SAMD11: variants seen among roughly 807,000 people sequenced by gnomAD.
The protein encoded by SAMD11 is sterile alpha motif domain containing 11, also known as sterile alpha motif domain-containing protein 11.
SAMD11 carries 77 observed loss-of-function variants against 64.4 expected under a neutral mutation model. The observed-to-expected ratio is 1.20, with a 90% CI of 0.99 to 1.44. The LOEUF is 1.44. Ranked by LOEUF, SAMD11 falls within the 40% of genes most tolerant of loss-of-function variation. SAMD11 has a pLI of 0.00. For synonymous variants in SAMD11, 658 were observed against 421.9 expected (o/e 1.56, Z -6.86); for missense variants, 1,402 against 943.3 (o/e 1.49, Z -6.37).
In SAMD11 at chr1:942,729, C is replaced by G. The variant is rs901420898; in HGVS notation, c.1724C>G (p.Pro575Arg). ...GCGGCGCCACTGCTGGCCCTGCCCC[C>G]CCAGGGGCCCCCGGGCTCCGGACCC... Reference protein sequence around the residue: ...HGAAPLLALPPQGPPGSGPPT... With the variant: ...HGAAPLLALPRQGPPGSGPPT... Residue 575 changes from proline to arginine, a missense_variant, in exon 11 of 14, where the codon CCC becomes CGC. By Grantham distance (103) the Pro-to-Arg change is moderately radical. Coordinates refer to ENST00000616016, the MANE Select transcript of SAMD11 (RefSeq NM_001385641.1). 8.8e-6 allele frequency: 13 copies of G among 1,471,104 alleles called. No homozygotes were observed. Among genetic ancestry groups the G allele is most frequent in the South Asian group, 5.4e-5 (4 of 74,246 alleles). The allele number at this position is 1,471,104 out of a possible 1,614,324, so 91.1% of individuals were successfully genotyped here.
rs1428388732 is a variant in SAMD11, at chr1:943,356, T to C, written c.2157T>C (p.Ser719=). Residue 719 remains serine (S), a synonymous_variant, in exon 12 of 14, where the codon TCT becomes TCC. Transcript: ENST00000616016. The stretch of plus-strand genomic sequence containing the variant: ...TCTGCAGCTTCGTGGGGGGCCTGTC[T>C]GGCTGTGGAGAGTACACTCGGGTAA... ...DDVCSFVGGL[S]GCGEYTRVFR... The C allele has an allele frequency of 2.5e-6, 4 of 1,586,816 alleles. No individual in the cohort carries two copies. Among genetic ancestry groups the C allele is most frequent in the Non-Finnish European group, 3.4e-6 (4 of 1,165,282 alleles).
intron 5 of SAMD11, among the ~76,000 whole-genome samples, chr1:938,185 C>T (rs1261919182): frequency 6.6e-6 from 1 of 152,158 alleles, no homozygotes; most frequent in Non-Finnish European, 1.5e-5. Flanking sequence ...TGGGTGCGGT[C>T]GGCAGGACCC....
At chr1:929,159 G>A (rs1177785036) in intron 2 of SAMD11, among the ~76,000 whole-genome samples, 2 of 152,256 alleles carry the variant, frequency 1.3e-5, no homozygotes, top group Admixed American at 6.5e-5. Flanking sequence ...GAAGTGCCTG[G>A]GGCTGGGCCG....
intron 2 of SAMD11, among the ~76,000 whole-genome samples, chr1:929,830 C>T (rs1298030762): frequency 6.6e-6 from 1 of 152,130 alleles, no homozygotes; most frequent in Non-Finnish European, 1.5e-5. Flanking sequence ...CTGGGCCAAC[C>T]AGGCTGGCGT....
In SAMD11 at chr1:939,117, G is replaced by C. The variant is rs200099017; in HGVS notation, c.1045G>C (p.Glu349Gln). ...DCFSEKRARS[E>Q]SPQEALLLPR... The stretch of plus-strand genomic sequence containing the variant: ...CTTTTCAGAGAAGAGGGCACGAAGC[G>C]AATCGCCTCAAGGTAAGAGCGTGGC... Residue 349 changes from glutamate to glutamine, a missense_variant, in exon 6 of 14, where the codon GAA becomes CAA. Coordinates refer to ENST00000616016, the MANE Select transcript of SAMD11 (RefSeq NM_001385641.1). 44 of 1,595,366 alleles carry C rather than the reference G, an allele frequency of 2.8e-5. No individual in the cohort carries two copies. In the Middle Eastern group the frequency reaches 9.9e-4, roughly 36 times the overall value.
At position 930,365 on chromosome 1, in the gene SAMD11, C is replaced by T. The variant is rs1047019134; in HGVS notation, c.791+29C>T. On this transcript the variant is annotated intron_variant, in intron 3 of 13. Transcript: ENST00000616016. The stretch of plus-strand genomic sequence containing the variant: ...CTTGGACCAGGGCCGGACAGGAAGG[C>T]GCAAGGCTCAGATGGGGCTGGAGCT... The T allele has an allele frequency of 4.5e-6, 7 of 1,572,806 alleles. No homozygotes were observed. The South Asian group carries it at 5.8e-5, about 13-fold the overall frequency.
Position 931,099 on chromosome 1 carries a change from G to C in SAMD11, c.842+10G>C. The C allele has an allele frequency of 6.2e-7, 1 of 1,611,154 alleles. No homozygotes were observed. Among genetic ancestry groups the C allele is most frequent in the Non-Finnish European group, 8.5e-7 (1 of 1,178,920 alleles). ...GAGAGGCGTCCTGCAGGTAGGAGCCGTGCTGTGCGTGCATAAGAGGGGGCC... is the reference window on the plus strand; with the variant it reads ...GAGAGGCGTCCTGCAGGTAGGAGCCCTGCTGTGCGTGCATAAGAGGGGGCC... On this transcript the variant is annotated intron_variant, in intron 4 of 13. Transcript: ENST00000616016.
intron 2 of SAMD11, among the ~76,000 whole-genome samples, chr1:928,219 C>CCATT (rs1186479372): frequency 6.6e-6 from 1 of 152,012 alleles, no homozygotes; most frequent in Non-Finnish European, 1.5e-5. Context: ...CGGTGAAACC[C>CCATT]GTCTCTACTA....
At chr1:925,203 T>G (rs1355721345) in intron 1 of SAMD11, 3 of 152,174 alleles carry the variant, frequency 2.0e-5, no homozygotes, top group Non-Finnish European at 2.9e-5. Flanking sequence ...TCTGCGAGGC[T>G]CCTGGGCCTT....
Position 942,804 on chromosome 1 carries a change from C to A in SAMD11, c.1799C>A (p.Pro600His). 3 of 1,545,580 alleles carry A rather than the reference C, an allele frequency of 1.9e-6. No individual in the cohort carries two copies. The highest frequency in any genetic ancestry group is 1.2e-5 in the South Asian group (1 of 83,786). ...CGGCGAGCCCCCCGGAAGGGGGGTC[C>A]CGGCCCTGCCTCAGCGCGGCCCAGC... ...SARRAPRKGG[P>H]GPASARPSES... Residue 600 changes from proline to histidine, a missense_variant, in exon 11 of 14, where the codon CCC becomes CAC. Physicochemically the swap from Pro to His is moderately conservative, Grantham distance 77. Coordinates refer to ENST00000616016, the MANE Select transcript of SAMD11 (RefSeq NM_001385641.1).
In SAMD11 at chr1:925,941, T is replaced by C. The variant is rs772943808; in HGVS notation, c.537T>C (p.Leu179=). ...IRHKGKSLKT[L]MSKGILQVHP... ...TCGCAGGGAAAAGTCTGAAGACGCT[T>C]ATGTCCAAGGGGATCCTGCAGGTGC... is the stretch of plus-strand genomic sequence containing the variant. Residue 179 remains leucine, a synonymous_variant, in exon 2 of 14, where the codon CTT becomes CTC. Coordinates refer to ENST00000616016, the MANE Select transcript of SAMD11 (RefSeq NM_001385641.1). 5.6e-6 allele frequency: 9 copies of C among 1,611,582 alleles called. No individual in the cohort carries two copies. Among genetic ancestry groups the C allele is most frequent in the East Asian group, 2.2e-5 (1 of 44,880 alleles).
chr1:926,063 C>T (rs555983617), intron 2 of SAMD11, 50 bp downstream of exon 2: 2 of 1,553,180 alleles, frequency 1.3e-6, no homozygotes, highest in East Asian at 2.2e-5. Flanking sequence ...CCCTGCGGAG[C>T]TTGTCCCTGC....
At chr1:931,233 CAT>C (rs1186482676) in intron 4 of SAMD11, 144 bp downstream of exon 4, 10 of 818,222 alleles carry the variant, frequency 1.2e-5, no homozygotes, top group South Asian at 4.8e-5. Context: ...CCAGGTTTGA[CAT>C]GTGCTGCAAG....
rs748139871 is a variant in SAMD11, at chr1:942,265, T to C, written c.1474+14T>C. On this transcript the variant is annotated intron_variant, in intron 9 of 13. Transcript: ENST00000616016. Reference sequence around the variant, plus strand: ...GCCAGACCCCAGGTGAGGAGGCGGGTGCGCATCCCCTGGGAGCCCGCGTGG... The same window carrying C: ...GCCAGACCCCAGGTGAGGAGGCGGGCGCGCATCCCCTGGGAGCCCGCGTGG... 5.4e-6 allele frequency: 6 copies of C among 1,109,844 alleles called. No homozygotes were observed. The African/African-American group carries it at 6.6e-5, about 12-fold the overall frequency. 68.7% of individuals were successfully genotyped at this position (1,109,844 alleles called of 1,614,324 possible).
chr1:939,573 C>CTGGAGGACCCCG, intron 7 of SAMD11, 161 bp downstream of exon 7: 1 of 1,327,516 alleles, frequency 7.5e-7, no homozygotes, highest in Non-Finnish European at 1.0e-6. Context: ...ATGCAGGTCC[C>CTGGAGGACCCCG]TCTGCCACAC....
Position 943,782 on chromosome 1 carries a change from G to C in SAMD11, c.2263G>C (p.Gly755Arg). ...GCTGACCAACATGGGGCTGAAGCTG[G>C]GGCCCGCCCTCAAGATCCGGGCCCA... The part of the protein sequence containing the change: ...HLLTNMGLKL[G>R]PALKIRAQVA... The change falls in exon 13 of 14, where the codon GGG becomes CGG. Residue 755 changes from glycine to arginine, a missense_variant. Physicochemically the swap from Gly to Arg is moderately radical, Grantham distance 125. Coordinates refer to ENST00000616016, the MANE Select transcript of SAMD11 (RefSeq NM_001385641.1). The C allele has an allele frequency of 1.9e-6, 3 of 1,612,614 alleles. No homozygotes were observed. The highest frequency in any genetic ancestry group is 2.5e-6 in the Non-Finnish European group (3 of 1,179,912).
chr1:933,479 T>A (rs1334547301), intron 4 of SAMD11, among the ~76,000 whole-genome samples: 1 of 152,130 alleles, frequency 6.6e-6, no homozygotes, highest in African/African-American at 2.4e-5. Context: ...CGGGGCTCAC[T>A]GCCAGCCCCC....
intron 5 of SAMD11, among the ~76,000 whole-genome samples, chr1:936,397 G>C (rs1040669743): frequency 6.6e-6 from 1 of 150,424 alleles, no homozygotes; most frequent in Non-Finnish European, 1.5e-5. Flanking sequence ...CCCCGGTCCC[G>C]CCTCCTAGGG....
intron 4 of SAMD11, among the ~76,000 whole-genome samples, chr1:935,187 G>C (rs1254838329): frequency 6.6e-6 from 1 of 152,184 alleles, no homozygotes; most frequent in Non-Finnish European, 1.5e-5. Context: ...CCAAGCCCCC[G>C]CCTGCCGGGG....
Sources: allele counts gnomAD v4.1 joint callset (sites outside exome capture counted in the v4.1 genomes callset), GRCh38; gene constraint gnomAD v4.1.1; transcripts MANE v1.5; gene names NCBI Gene and HGNC (gene_info 2026-07-23, HGNC 2026-07-21).